Variants in CFAP61 observed in about 807,000 individuals in gnomAD.
The protein encoded by CFAP61 is cilia- and flagella-associated protein 61.
In CFAP61, 107 loss-of-function variants were observed where a neutral mutation model predicts 135.6. The ratio of observed to expected loss-of-function variants is 0.79; its 90% CI spans 0.67 to 0.93. The LOEUF (loss-of-function observed/expected upper bound fraction) is 0.93. CFAP61 is among the 40% of genes least tolerant of loss of function. The pLI, the probability that CFAP61 is intolerant of heterozygous loss-of-function variation, is 0.00. For missense variants in CFAP61, 1,507 were observed against 1,556.2 expected, an observed-to-expected ratio of 0.97 and a Z score of 0.53; for synonymous variants, 575 against 578.5, an observed-to-expected ratio of 0.99 and a Z score of 0.09.
At chr20:20,245,183 G>A (rs1023505296) in intron 18 of CFAP61, among the ~76,000 whole-genome samples, 6 of 152,090 alleles carry the variant, frequency 3.9e-5, no homozygotes, top group Admixed American at 1.3e-4. Flanking sequence ...TTCCAAAGTC[G>A]CTTCTGCATT....
intron 8 of CFAP61, among the ~76,000 whole-genome samples, chr20:20,112,000 T>A (rs766606193): frequency 1.5e-4 from 23 of 152,222 alleles, no homozygotes; most frequent in Non-Finnish European, 3.1e-4. Context: ...GTACTTGGCA[T>A]ATTCCTTTTC....
At chr20:20,333,708 A>G (rs978614512) in intron 25 of CFAP61, among the ~76,000 whole-genome samples, 7 of 152,256 alleles carry the variant, frequency 4.6e-5, no homozygotes, top group Non-Finnish European at 8.8e-5. Context: ...GACAGCAGAC[A>G]GATCCTTCAG....
At chr20:20,281,316 TTGTTCCA>T (rs1458699197) in intron 22 of CFAP61, among the ~76,000 whole-genome samples, 1 of 152,212 alleles carries the variant, frequency 6.6e-6, no homozygotes, top group African/African-American at 2.4e-5. Flanking sequence ...CATCCTTGCC[TTGTTCCA>T]TATCCCAGAG....
chr20:20,329,326 A>G (rs1296082932), intron 25 of CFAP61, among the ~76,000 whole-genome samples: 1 of 152,170 alleles, frequency 6.6e-6, no homozygotes, highest in Non-Finnish European at 1.5e-5. Flanking sequence ...ACTTTAAAAA[A>G]GGAATGGACT....
At chr20:20,294,957 A>ATAG (rs1194238392) in intron 24 of CFAP61, among the ~76,000 whole-genome samples, 3 of 146,614 alleles carry the variant, frequency 2.0e-5, no homozygotes, top group South Asian at 2.1e-4. Flanking sequence ...AATAATAATA[A>ATAG]TAATAATAAT....
chr20:20,306,679 T>A (rs149652702), intron 25 of CFAP61, among the ~76,000 whole-genome samples: 1 of 152,166 alleles, frequency 6.6e-6, no homozygotes, highest in Non-Finnish European at 1.5e-5. Flanking sequence ...TCCACCAGGA[T>A]TCCCCCCACC....
At chr20:20,278,960 T>C (rs1444965481) in intron 22 of CFAP61, among the ~76,000 whole-genome samples, 3 of 152,196 alleles carry the variant, frequency 2.0e-5, no homozygotes, top group Non-Finnish European at 4.4e-5. Flanking sequence ...TAAAAAGTGA[T>C]ACTGTCTATA....
intron 17 of CFAP61, among the ~76,000 whole-genome samples, chr20:20,220,507 C>A (rs1230166936): frequency 6.7e-6 from 1 of 149,338 alleles, no homozygotes; most frequent in African/African-American, 2.6e-5. Context: ...CATGGACTTG[C>A]GATTGGCATG....
intron 8 of CFAP61, among the ~76,000 whole-genome samples, chr20:20,109,968 G>T (rs893284169): frequency 1.3e-5 from 2 of 151,050 alleles, no homozygotes; most frequent in Non-Finnish European, 2.9e-5. Context: ...GTGCAATGGC[G>T]CAATCTCGGC....
intron 22 of CFAP61, among the ~76,000 whole-genome samples, chr20:20,283,358 A>G (rs2054338791): frequency 6.6e-6 from 1 of 152,172 alleles, no homozygotes; most frequent in African/African-American, 2.4e-5. Flanking sequence ...ATCTGATACT[A>G]ATATGACCAT....
chr20:20,309,312 A>G (rs756424193), intron 25 of CFAP61, among the ~76,000 whole-genome samples: 7 of 152,246 alleles, frequency 4.6e-5, no homozygotes, highest in Non-Finnish European at 8.8e-5. Context: ...TATAAAATCT[A>G]TACCTAATCC....
chr20:20,074,617 G>T (rs903187413), intron 4 of CFAP61, among the ~76,000 whole-genome samples: 3 of 152,206 alleles, frequency 2.0e-5, no homozygotes, highest in African/African-American at 7.2e-5. Flanking sequence ...GTAATTTAAA[G>T]AAATGGATTT....
At chr20:20,262,095 C>A (rs1383086103) in intron 20 of CFAP61, among the ~76,000 whole-genome samples, 1 of 152,184 alleles carries the variant, frequency 6.6e-6, no homozygotes, top group Non-Finnish European at 1.5e-5. Context: ...ACCCCAGATA[C>A]AATTTCTGTG....
chr20:20,232,244 TG>T (rs1196884383), intron 18 of CFAP61, among the ~76,000 whole-genome samples: 3 of 152,186 alleles, frequency 2.0e-5, no homozygotes, highest in African/African-American at 7.2e-5. Context: ...ATCTGTAAAG[TG>T]AACTCACTAT....
chr20:20,094,441 G>T (rs185398131), intron 7 of CFAP61: 19 of 152,284 alleles, frequency 1.2e-4, no homozygotes, highest in Admixed American at 5.2e-4. Context: ...TTTAATCAGG[G>T]TCTTTGTTTT....
In CFAP61 at chr20:20,219,437, G is replaced by C. The variant is rs149663609; in HGVS notation, c.1933-8812G>C. On this transcript the variant is annotated intron_variant, in intron 17 of 26. Transcript: ENST00000245957. Reference sequence around the variant, plus strand: ...TCTATAGGAATAAGGGCAGATTCCAGCCTACTTCCAGGATAGTAAGTACAA... The same window carrying C: ...TCTATAGGAATAAGGGCAGATTCCACCCTACTTCCAGGATAGTAAGTACAA... 6.6e-4 allele frequency among the ~76,000 whole-genome samples: 101 copies of C among 152,272 alleles called. 1 individual carries two copies. In the East Asian group the frequency reaches 0.018, roughly 26 times the overall value.
chr20:20,133,027 C>T (rs1012284640), intron 8 of CFAP61, among the ~76,000 whole-genome samples: 5 of 152,072 alleles, frequency 3.3e-5, no homozygotes, highest in Non-Finnish European at 7.4e-5. Flanking sequence ...ATCTTACTTT[C>T]TACATGTCCT....
At chr20:20,170,065 G>A (rs1249470534) in intron 13 of CFAP61, among the ~76,000 whole-genome samples, 1 of 152,228 alleles carries the variant, frequency 6.6e-6, no homozygotes. Context: ...TGGACACACA[G>A]AGTGTAAAAC....
intron 7 of CFAP61, among the ~76,000 whole-genome samples, chr20:20,096,167 A>G (rs898557281): frequency 3.9e-5 from 6 of 151,972 alleles, no homozygotes; most frequent in Non-Finnish European, 8.8e-5. Context: ...TTTTTTTTTC[A>G]GTGCATACAC....
Sources: gnomAD v4.1 joint callset for allele counts (sites outside exome capture counted in the v4.1 genomes callset) on GRCh38, gnomAD v4.1.1 for gene constraint, MANE v1.5 for transcripts, NCBI Gene and HGNC (gene_info 2026-07-23, HGNC 2026-07-21) for gene names.